GFRA2: variants seen among roughly 807,000 people sequenced by gnomAD.
GFRA2 encodes the protein GDNF family receptor alpha-2.
In GFRA2, 17 loss-of-function variants were observed where a neutral mutation model predicts 48.3. That is an observed-to-expected ratio of 0.35 (90% confidence interval 0.24 to 0.53). GFRA2 has a LOEUF of 0.53. Ranked by LOEUF, GFRA2 falls within the 20% of genes least tolerant of loss-of-function variation. GFRA2 has a pLI of 0.93. For synonymous variants in GFRA2, 305 were observed against 257.2 expected (o/e 1.19, Z -1.78); for missense variants, 660 against 637.3 (o/e 1.04, Z -0.38).
intron 4 of GFRA2, 103 bp from the exon 5 acceptor site, chr8:21,706,144 G>A: frequency 1.4e-6 from 1 of 737,844 alleles, no homozygotes; most frequent in Non-Finnish European, 2.3e-6. Flanking sequence ...CAGCTTCCCA[G>A]GGTGGAAGAA....
At chr8:21,809,139 G>C (rs902227976) in intron 1 of GFRA2, among the ~76,000 whole-genome samples, 1 of 152,142 alleles carries the variant, frequency 6.6e-6, no homozygotes, top group Non-Finnish European at 1.5e-5. Context: ...CATCACGCAA[G>C]GAGTAAGTGA....
At chr8:21,753,128 G>A (rs897344433) in intron 3 of GFRA2, among the ~76,000 whole-genome samples, 9 of 152,040 alleles carry the variant, frequency 5.9e-5, no homozygotes, top group Admixed American at 1.3e-4. Flanking sequence ...TCATTCGGGG[G>A]CTTCAGCATG....
chr8:21,693,193 G>T lies in GFRA2; in HGVS notation c.*85C>A, dbSNP rs1008878047. 2.2e-6 allele frequency: 3 copies of T among 1,362,812 alleles called. No individual in the cohort carries two copies. The highest frequency in any genetic ancestry group is 3.0e-6 in the Non-Finnish European group (3 of 997,566). 84.4% of individuals were successfully genotyped at this position (1,362,812 alleles called of 1,614,324 possible). ...ACAATTTTTTTTTTGCAAGGTGTGT[G>T]TGTGTCTGTGTGTGTTTCCATTTCG... On this transcript the variant is annotated 3_prime_UTR_variant, in exon 9 of 9. Transcript: ENST00000524240.
intron 4 of GFRA2, among the ~76,000 whole-genome samples, chr8:21,722,620 T>A (rs1194905294): frequency 6.6e-6 from 1 of 151,918 alleles, no homozygotes; most frequent in African/African-American, 2.4e-5. Flanking sequence ...CTCCCATGTG[T>A]CCCCACACGC....
intron 4 of GFRA2, among the ~76,000 whole-genome samples, chr8:21,707,439 G>A (rs1802803641): frequency 6.6e-6 from 1 of 152,206 alleles, no homozygotes; most frequent in African/African-American, 2.4e-5. Context: ...AGGTGCTGGT[G>A]CCTGCTGAGG....
intron 2 of GFRA2, among the ~76,000 whole-genome samples, chr8:21,802,399 G>A (rs933131670): frequency 6.6e-6 from 1 of 152,156 alleles, no homozygotes; most frequent in Non-Finnish European, 1.5e-5. Flanking sequence ...CTGTTGTCCA[G>A]GCTGGAGTGC....
At position 21,757,184 on chromosome 8, in the gene GFRA2, T is replaced by C. The variant is rs1224452911; in HGVS notation, c.440-6242A>G. Among the ~76,000 whole-genome samples, 8 of 152,038 alleles carry C rather than the reference T, an allele frequency of 5.3e-5. 1 individual carries two copies. The highest frequency in any genetic ancestry group is 3.9e-4 in the Admixed American group (6 of 15,278). ...GCAGAGGGGCAGGACAGCTGAGGAA[T>C]GCACAACCAGAGGCTGCAGCTCAGC... On this transcript the variant is annotated intron_variant, in intron 3 of 8. Coordinates refer to ENST00000524240, the MANE Select transcript of GFRA2 (RefSeq NM_001495.5).
chr8:21,793,199 A>G (rs1025302739), upstream of GFRA2, among the ~76,000 whole-genome samples: 2 of 152,240 alleles, frequency 1.3e-5, no homozygotes, highest in East Asian at 3.9e-4. Flanking sequence ...TGCAGTCTTC[A>G]GATTCATGCA....
chr8:21,701,543 C>T (rs1802480567), intron 7 of GFRA2, among the ~76,000 whole-genome samples: 2 of 152,224 alleles, frequency 1.3e-5, no homozygotes. Flanking sequence ...CTGGGAGGCT[C>T]TCTCAGCTGT....
chr8:21,736,144 C>T (rs1185971572), intron 4 of GFRA2, among the ~76,000 whole-genome samples: 1 of 152,208 alleles, frequency 6.6e-6, no homozygotes, highest in African/African-American at 2.4e-5. Context: ...CATGGCTGTT[C>T]CCTACCATCT....
At chr8:21,769,794 G>C (rs891738520) in intron 3 of GFRA2, among the ~76,000 whole-genome samples, 3 of 152,174 alleles carry the variant, frequency 2.0e-5, no homozygotes, top group Non-Finnish European at 2.9e-5. Context: ...CCAGGGGCCG[G>C]TGGTGGTTAC....
chr8:21,731,680 G>A (rs925518996), intron 4 of GFRA2, among the ~76,000 whole-genome samples: 6 of 152,042 alleles, frequency 3.9e-5, no homozygotes, highest in Admixed American at 1.3e-4. Context: ...ATTCCAACGC[G>A]TTCAATTATC....
chr8:21,738,171 C>T (rs1326017852), intron 4 of GFRA2, among the ~76,000 whole-genome samples: 3 of 46,010 alleles, frequency 6.5e-5, no homozygotes, highest in Non-Finnish European at 1.1e-4. Flanking sequence ...CTCCTCATCC[C>T]CCTCCCCCGT....
At chr8:21,720,761 C>T (rs1469272145) in intron 4 of GFRA2, among the ~76,000 whole-genome samples, 2 of 152,224 alleles carry the variant, frequency 1.3e-5, no homozygotes, top group East Asian at 1.9e-4. Context: ...TTCCAGAAAA[C>T]CTTCTCTGAA....
chr8:21,702,412 G>C (rs1369330203), intron 7 of GFRA2, among the ~76,000 whole-genome samples: 2 of 152,200 alleles, frequency 1.3e-5, no homozygotes, highest in Non-Finnish European at 2.9e-5. Context: ...CCGCCAGGCT[G>C]AGTCCCTGGT....
chr8:21,705,148 G>A (rs1272508219), intron 5 of GFRA2, 23 bp from the exon 6 acceptor site: 1 of 1,597,732 alleles, frequency 6.3e-7, no homozygotes, highest in East Asian at 2.2e-5. Context: ...AAAGGTGGGG[G>A]AGAGGAGAGA....
In GFRA2 at chr8:21,691,511, T is replaced by C. The variant is rs993824824; in HGVS notation, c.*1767A>G. 7.2e-5 allele frequency: 11 copies of C among 152,218 alleles called. No individual in the cohort carries two copies. The highest frequency in any genetic ancestry group is 5.2e-4 in the Admixed American group (8 of 15,282). 9.4% of individuals were successfully genotyped at this position (152,218 alleles called of 1,614,324 possible). ...CCCAGAACATGCACAGTCATGTCCT[T>C]CTTCTCTGGTGGGACCCAAAAGGCC... is the stretch of plus-strand genomic sequence containing the variant. On this transcript the variant is annotated 3_prime_UTR_variant, in exon 9 of 9. Coordinates refer to ENST00000524240, the MANE Select transcript of GFRA2 (RefSeq NM_001495.5).
intron 2 of GFRA2, among the ~76,000 whole-genome samples, chr8:21,794,654 AGGTGCCCAGCTT>A (rs1807636736): frequency 6.6e-6 from 1 of 152,162 alleles, no homozygotes; most frequent in Admixed American, 6.5e-5. Context: ...GGATTCTGTC[AGGTGCCCAGCTT>A]GGTGCCCAGC....
chr8:21,702,923 C>T lies in GFRA2; in HGVS notation c.1100G>A (p.Gly367Asp), dbSNP rs1203922861. Residue 367 changes from glycine (G) to aspartate (D), a missense_variant, in exon 7 of 9, where the codon GGC (glycine) becomes GAC (aspartate). Transcript: ENST00000524240. ...NGTDVNVSPK[G>D]PSFQATQAPR... ...GGCCTGGGTGGCCTGGAACGAGGGG[C>T]CTTTTGGGGACACGTTCACGTCCGT... 7 of 1,582,222 alleles carry T rather than the reference C, an allele frequency of 4.4e-6. No homozygotes were observed. The highest frequency in any genetic ancestry group is 2.7e-5 in the African/African-American group (2 of 73,324).
Sources: gnomAD v4.1 joint callset for allele counts (sites outside exome capture counted in the v4.1 genomes callset) on GRCh38, gnomAD v4.1.1 for gene constraint, MANE v1.5 for transcripts, NCBI Gene and HGNC (gene_info 2026-07-23, HGNC 2026-07-21) for gene names.